RIMBP2: variants seen among roughly 807,000 people sequenced by gnomAD.
RIMBP2 encodes the protein RIMS-binding protein 2.
RIMBP2 carries 48 observed loss-of-function variants against 118.6 expected under a neutral mutation model. That is an observed-to-expected ratio of 0.40 (90% CI 0.32 to 0.51). The LOEUF (loss-of-function observed/expected upper bound fraction) is 0.51, where lower values mean the gene tolerates loss of function less well. Ranked by LOEUF, RIMBP2 falls within the 20% of genes least tolerant of loss-of-function variation. The pLI, the probability that RIMBP2 is intolerant of heterozygous loss-of-function variation, is 0.41. For synonymous variants in RIMBP2, 762 were observed against 742.9 expected, an observed-to-expected ratio of 1.03 and a Z score of -0.42; for missense variants, 1,551 against 1,768.3, an observed-to-expected ratio of 0.88 and a Z score of 2.20.
At position 130,406,189 on chromosome 12, in the gene RIMBP2, C is replaced by T; in HGVS notation, c.3748G>A (p.Glu1250Lys). ...AAACTTACATAATAAAATCCATCTTCATCAATTTCACCAAAAACTGTAATA... is the reference window on the plus strand; with the variant it reads ...AAACTTACATAATAAAATCCATCTTTATCAATTTCACCAAAAACTGTAATA... ...DIITVFGEID[E>K]DGFYYGELNG... The change falls in exon 21 of 23, where the codon GAA (glutamate) becomes AAA (lysine). Residue 1250 changes from glutamate (E) to lysine (K), a missense_variant. By Grantham distance (56) the Glu-to-Lys change is moderately conservative. Around this residue, in one of 5 missense-constraint regions of RIMBP2, gnomAD observed 1,038 missense variants for 1,125.1 expected, o/e 0.92. Transcript: ENST00000690449. 6.3e-7 allele frequency: 1 copy of T among 1,585,306 alleles called. No homozygotes were observed. Among genetic ancestry groups the T allele is most frequent in the Non-Finnish European group, 8.7e-7 (1 of 1,155,668 alleles).
At chr12:130,524,829 A>G (rs917751541) in intron 2 of RIMBP2, among the ~76,000 whole-genome samples, 5 of 152,218 alleles carry the variant, frequency 3.3e-5, no homozygotes, top group African/African-American at 1.2e-4. Context: ...CAAGTGAAAT[A>G]GCATGGCTTG....
intron 1 of RIMBP2, among the ~76,000 whole-genome samples, chr12:130,672,346 G>A (rs545388550): frequency 3.4e-4 from 52 of 152,316 alleles, no homozygotes; most frequent in African/African-American, 1.2e-3. Flanking sequence ...ATAAGAAATC[G>A]TTTTCCATCA....
intron 10 of RIMBP2, among the ~76,000 whole-genome samples, chr12:130,444,686 A>T (rs1450529236): frequency 6.6e-6 from 1 of 152,214 alleles, no homozygotes; most frequent in African/African-American, 2.4e-5. Flanking sequence ...CCACCCCCTA[A>T]GTTGACAACA....
At chr12:130,497,482 C>T (rs928858578) in intron 4 of RIMBP2, among the ~76,000 whole-genome samples, 3 of 152,164 alleles carry the variant, frequency 2.0e-5, no homozygotes, top group East Asian at 1.9e-4. Flanking sequence ...GTCGCTCTAC[C>T]GCATCCGACG....
Position 130,434,853 on chromosome 12 carries a change from T to C in RIMBP2, c.2134A>G (p.Arg712Gly), listed in dbSNP as rs1471124193. Residue 712 changes from arginine (R) to glycine (G), a missense_variant, in exon 14 of 23, where the codon AGA (arginine) becomes GGA (glycine). Physicochemically the swap from Arg to Gly is moderately radical, Grantham distance 125 (BLOSUM62 -2). Transcript: ENST00000690449. This position sits in a 1 kb window ranked among gnomAD's most constrained non-coding sequence, Gnocchi z 5.7. ...RLEKRSVFLE[R>G]SSAGQYAASD... ...GCGGCGTACTGCCCCGCGCTGCTTC[T>C]CTCTAGGAAGACGCTCCTTTTCTCT... is the stretch of plus-strand genomic sequence containing the variant. 6.2e-7 allele frequency: 1 copy of C among 1,610,648 alleles called. No homozygotes were observed. Among genetic ancestry groups the C allele is most frequent in the East Asian group, 2.2e-5 (1 of 44,704 alleles).
At chr12:130,513,940 G>A (rs1397990349) in intron 3 of RIMBP2, among the ~76,000 whole-genome samples, 4 of 152,350 alleles carry the variant, frequency 2.6e-5, no homozygotes, top group African/African-American at 9.6e-5. Flanking sequence ...CTGCAGGTTT[G>A]CATTGACAAG....
intron 1 of RIMBP2, among the ~76,000 whole-genome samples, chr12:130,711,567 C>A (rs1474668313): frequency 3.9e-5 from 6 of 152,056 alleles, no homozygotes; most frequent in Non-Finnish European, 8.8e-5. Context: ...TTACTTAGGA[C>A]GTCATTTGGA....
At chr12:130,492,775 A>C (rs150312273) in intron 4 of RIMBP2, among the ~76,000 whole-genome samples, 2 of 152,322 alleles carry the variant, frequency 1.3e-5, no homozygotes, top group East Asian at 3.9e-4. Flanking sequence ...ATTGAATGGC[A>C]ACAAAAAATA....
chr12:130,649,716 T>C (rs940464758), intron 1 of RIMBP2, among the ~76,000 whole-genome samples: 4 of 152,100 alleles, frequency 2.6e-5, no homozygotes, highest in Non-Finnish European at 5.9e-5. Context: ...GGAGATCCTC[T>C]CAGCCCTGAG....
intron 2 of RIMBP2, among the ~76,000 whole-genome samples, chr12:130,541,899 C>T (rs1008406022): frequency 2.6e-5 from 4 of 152,218 alleles, no homozygotes; most frequent in Non-Finnish European, 4.4e-5. Context: ...AGCAGAGGTT[C>T]TCTTCTGAGC....
At chr12:130,551,484 AG>A (rs1207556554) in intron 2 of RIMBP2, among the ~76,000 whole-genome samples, 3 of 152,348 alleles carry the variant, frequency 2.0e-5, no homozygotes, top group African/African-American at 7.2e-5. Flanking sequence ...AATGTCCCAT[AG>A]TTTGCTATTT....
At chr12:130,439,216 ATG>A (rs1359255725) in intron 11 of RIMBP2, among the ~76,000 whole-genome samples, 5 of 151,172 alleles carry the variant, frequency 3.3e-5, no homozygotes, top group Non-Finnish European at 5.9e-5. Context: ...GTATATGTGG[ATG>A]TGTTTGTGTG....
rs987348453 is a variant in RIMBP2 at position 130,396,416 on chromosome 12, C to CAAAT, written c.*941_*944dup. ...ACAAGAATTACAAAAGAGTAACCATCAAATACATCTGCCAGCAACTTTGTA... is the reference window on the plus strand; with the variant it reads ...ACAAGAATTACAAAAGAGTAACCATCAAATAAATACATCTGCCAGCAACTTTGTA... On this transcript the variant is annotated 3_prime_UTR_variant, in exon 23 of 23. Coordinates refer to ENST00000690449, the MANE Select transcript of RIMBP2 (RefSeq NM_001393629.1). 1 of 152,592 alleles carries CAAAT rather than the reference C, an allele frequency of 6.6e-6. No homozygotes were observed. Among genetic ancestry groups the CAAAT allele is most frequent in the African/African-American group, 2.4e-5 (1 of 41,450 alleles). 9.5% of individuals were successfully genotyped at this position (152,592 alleles called of 1,614,324 possible).
rs1380838314 is a variant in RIMBP2, at chr12:130,419,688, A to C, written c.3238+2765T>G. The stretch of plus-strand genomic sequence containing the variant: ...CTCACTTTGTAGGCTCAGTAGCCAA[A>C]ATAACAAAAAATGGGAGAATACAGA... On this transcript the variant is annotated intron_variant, in intron 17 of 22. Transcript: ENST00000690449. The surrounding 1 kb of genome is among the most constrained non-coding windows in gnomAD (Gnocchi z 4.3). The C allele has an allele frequency of 6.6e-6, 1 of 152,256 alleles. No homozygotes were observed. The highest frequency in any genetic ancestry group is 1.5e-5 in the Non-Finnish European group (1 of 68,046). The allele number at this position is 152,256 out of a possible 1,614,324, so 9.4% of individuals were successfully genotyped here. A position where few individuals can be genotyped will look rare whatever the true frequency, so the allele number is the denominator to read the frequency against.
At chr12:130,429,573 G>A (rs1295191802) in intron 14 of RIMBP2, 1 of 152,150 alleles carries the variant, frequency 6.6e-6, no homozygotes. Flanking sequence ...ACATGGTATC[G>A]ATTAAGAACA....
intron 2 of RIMBP2, among the ~76,000 whole-genome samples, chr12:130,550,133 T>C (rs560955500): frequency 6.6e-6 from 1 of 152,330 alleles, no homozygotes; most frequent in East Asian, 1.9e-4. Flanking sequence ...AGTTATCGAC[T>C]ACATTGGAAC....
At chr12:130,484,187 C>G (rs983495199) in intron 4 of RIMBP2, among the ~76,000 whole-genome samples, 1 of 152,188 alleles carries the variant, frequency 6.6e-6, no homozygotes, top group Non-Finnish European at 1.5e-5. Context: ...GAAAGCCCCT[C>G]GGTGGGGAGT....
At chr12:130,438,235 G>A in intron 12 of RIMBP2, 130 bp downstream of exon 12, 1 of 1,001,622 alleles carries the variant, frequency 1.0e-6, no homozygotes, top group Non-Finnish European at 1.5e-6. Flanking sequence ...GGAGTCTTCG[G>A]GGTTGAGGGT....
At chr12:130,466,759 C>A (rs767671787) in intron 6 of RIMBP2, among the ~76,000 whole-genome samples, 1 of 152,200 alleles carries the variant, frequency 6.6e-6, no homozygotes, top group Non-Finnish European at 1.5e-5. Flanking sequence ...GTAAATTGAT[C>A]GTTTATCTTC....
Sources: allele counts gnomAD v4.1 joint callset (sites outside exome capture counted in the v4.1 genomes callset), GRCh38; gene constraint gnomAD v4.1.1; regional missense constraint gnomAD v4.1.1; non-coding constraint Gnocchi (gnomAD v3.1); transcripts MANE v1.5; gene names NCBI Gene and HGNC (gene_info 2026-07-23, HGNC 2026-07-21).